MAPK4: variants seen among roughly 807,000 people sequenced by gnomAD.
The protein encoded by MAPK4 is mitogen-activated protein kinase 4.
MAPK4 carries 22 observed loss-of-function variants against 47.7 expected under a neutral mutation model. That is an observed-to-expected ratio of 0.46 (90% confidence interval 0.33 to 0.66). The LOEUF (loss-of-function observed/expected upper bound fraction) is 0.66, where lower values mean the gene tolerates loss of function less well. Ranked by LOEUF, MAPK4 falls within the 30% of genes least tolerant of loss-of-function variation. The pLI, the probability that MAPK4 is intolerant of heterozygous loss-of-function variation, is 0.02. For synonymous variants in MAPK4, 390 were observed against 365.7 expected (o/e 1.07, Z -0.76); for missense variants, 736 against 831.7 (o/e 0.88, Z 1.42).
intron 1 of MAPK4, among the ~76,000 whole-genome samples, chr18:50,658,802 C>T (rs868339763): frequency 6.6e-6 from 1 of 152,130 alleles, no homozygotes; most frequent in Non-Finnish European, 1.5e-5. Flanking sequence ...GGGATAGTGT[C>T]GCCTTGAGGG....
At chr18:50,634,588 C>G (rs2042865032) in intron 1 of MAPK4, among the ~76,000 whole-genome samples, 2 of 152,156 alleles carry the variant, frequency 1.3e-5, no homozygotes, top group African/African-American at 2.4e-5. Flanking sequence ...TGGGGATCAA[C>G]TGTCATCCAT....
Position 50,696,726 on chromosome 18 carries a change from C to T in MAPK4, c.547-18353C>T, listed in dbSNP as rs140817579. On this transcript the variant is annotated intron_variant, in intron 2 of 5. Transcript: ENST00000400384. ...TTTTTAACAGCGTAACTTGTTTACA[C>T]GGATTCTATGTGAGAACCTATTTAA... 6.7e-3 allele frequency among the ~76,000 whole-genome samples: 1,027 copies of T among 152,194 alleles called. 9 individuals carry two copies. The highest frequency in any genetic ancestry group is 0.023 in the African/African-American group (945 of 41,510).
intron 1 of MAPK4, among the ~76,000 whole-genome samples, chr18:50,634,875 G>A (rs922368345): frequency 6.6e-6 from 1 of 152,148 alleles, no homozygotes; most frequent in East Asian, 1.9e-4. Flanking sequence ...AGCCACACCA[G>A]GTCTTACACA....
At chr18:50,573,434 G>A (rs1343190238) in intron 1 of MAPK4, among the ~76,000 whole-genome samples, 1 of 152,180 alleles carries the variant, frequency 6.6e-6, no homozygotes, top group Admixed American at 6.5e-5. Context: ...AACAGTGGCG[G>A]CATTAGATTC....
rs534334871 is a variant in MAPK4 at position 50,695,143 on chromosome 18, C to T, written c.547-19936C>T. Among the ~76,000 whole-genome samples, 5 of 151,940 alleles carry T rather than the reference C, an allele frequency of 3.3e-5. No individual in the cohort carries two copies. In the East Asian group the frequency reaches 5.9e-4, roughly 18 times the overall value. ...GGCAGATCACTTGAGGTCAGGAGTT[C>T]GAGACCAGCCTGGCCAACGTGATGA... On this transcript the variant is annotated intron_variant, in intron 2 of 5. Transcript: ENST00000400384.
intron 5 of MAPK4, among the ~76,000 whole-genome samples, chr18:50,728,628 T>C (rs1221439735): frequency 6.6e-6 from 1 of 152,202 alleles, no homozygotes; most frequent in African/African-American, 2.4e-5. Flanking sequence ...TCTAATCTGA[T>C]CCAGGGTTGA....
At chr18:50,719,812 C>T (rs1303209003) in intron 3 of MAPK4, among the ~76,000 whole-genome samples, 1 of 152,218 alleles carries the variant, frequency 6.6e-6, no homozygotes, top group African/African-American at 2.4e-5. Flanking sequence ...TCTTCAGGCT[C>T]ACTGTCTGTG....
chr18:50,636,463 C>T (rs928308690), intron 1 of MAPK4, among the ~76,000 whole-genome samples: 2 of 152,192 alleles, frequency 1.3e-5, no homozygotes, highest in Non-Finnish European at 2.9e-5. Context: ...AGAATAGTTC[C>T]AAACCTCTTT....
intron 1 of MAPK4, among the ~76,000 whole-genome samples, chr18:50,597,622 G>T (rs2042494302): frequency 6.6e-6 from 1 of 152,192 alleles, no homozygotes; most frequent in South Asian, 2.1e-4. Context: ...TTGAGTTGCT[G>T]TAAGTGGGAC....
At chr18:50,586,138 A>G (rs2042385942) in intron 1 of MAPK4, among the ~76,000 whole-genome samples, 1 of 152,210 alleles carries the variant, frequency 6.6e-6, no homozygotes, top group Non-Finnish European at 1.5e-5. Flanking sequence ...AAGGAACTTG[A>G]ATTATTTACA....
Position 50,678,700 on chromosome 18 carries a change from C to T in MAPK4, c.546+14196C>T, listed in dbSNP as rs9947919. ...TGAACAGGCCTTGGTCCCACAGCTG[C>T]CCCCACACTCTTATTCTTGCTTTCT... On this transcript the variant is annotated intron_variant, in intron 2 of 5. Transcript: ENST00000400384. The surrounding 1 kb of genome is among the most constrained non-coding windows in gnomAD (Gnocchi z 4.2). Among the ~76,000 whole-genome samples the T allele has an allele frequency of 0.028, 4,272 of 152,254 alleles. 109 individuals are homozygous for T. Among genetic ancestry groups the T allele is most frequent in the African/African-American group, 0.063 (2,615 of 41,536 alleles).
intron 1 of MAPK4, among the ~76,000 whole-genome samples, chr18:50,614,120 C>G (rs1282774716): frequency 6.6e-6 from 1 of 152,022 alleles, no homozygotes; most frequent in East Asian, 1.9e-4. Context: ...TGCTAATGGA[C>G]AATGTTTGGA....
rs990855194 is a variant in MAPK4 at position 50,664,875 on chromosome 18, T to C, written c.546+371T>C. ...ACTTAGCCATCCCATGTCCTTCCTGTGTGCTCAGGACACACCCTGAGGCTT... is the reference window on the plus strand; with the variant it reads ...ACTTAGCCATCCCATGTCCTTCCTGCGTGCTCAGGACACACCCTGAGGCTT... On this transcript the variant is annotated intron_variant, in intron 2 of 5. Transcript: ENST00000400384. This position sits in a 1 kb window ranked among gnomAD's most constrained non-coding sequence, Gnocchi z 6.0. Among the ~76,000 whole-genome samples the C allele has an allele frequency of 1.1e-4, 16 of 152,316 alleles. No homozygotes were observed. The highest frequency in any genetic ancestry group is 2.9e-4 in the African/African-American group (12 of 41,566).
intron 1 of MAPK4, among the ~76,000 whole-genome samples, chr18:50,647,363 C>T (rs1328707626): frequency 3.9e-5 from 6 of 152,248 alleles, no homozygotes; most frequent in Middle Eastern, 3.4e-3. Flanking sequence ...AGTTGAGAAG[C>T]GAGCCTGAGG....
chr18:50,681,770 A>G (rs1286427192), intron 2 of MAPK4, among the ~76,000 whole-genome samples: 1 of 152,212 alleles, frequency 6.6e-6, no homozygotes, highest in Non-Finnish European at 1.5e-5. Flanking sequence ...TGCTGTATAT[A>G]TCGCTGTTAT....
At chr18:50,632,724 A>G (rs1025482643) in intron 1 of MAPK4, among the ~76,000 whole-genome samples, 2 of 150,932 alleles carry the variant, frequency 1.3e-5, no homozygotes, top group Non-Finnish European at 2.9e-5. Context: ...GGTTCAAGCA[A>G]TTCTCCTGCC....
Position 50,664,656 on chromosome 18 carries a change from G to A in MAPK4, c.546+152G>A. On this transcript the variant is annotated intron_variant, in intron 2 of 5. Coordinates refer to ENST00000400384, the MANE Select transcript of MAPK4 (RefSeq NM_002747.4). The surrounding 1 kb of genome is among the most constrained non-coding windows in gnomAD (Gnocchi z 6.0). ...AGGGTGCTAGGAAGATCACTAGCCTGAAAAGTTGTTGGAGGCGTGGAGGGA... is the reference window on the plus strand; with the variant it reads ...AGGGTGCTAGGAAGATCACTAGCCTAAAAAGTTGTTGGAGGCGTGGAGGGA... The A allele has an allele frequency of 2.3e-6, 2 of 872,796 alleles. No homozygotes were observed. The highest frequency in any genetic ancestry group is 3.4e-6 in the Non-Finnish European group (2 of 593,754). The allele number at this position is 872,796 out of a possible 1,614,324, so 54.1% of individuals were successfully genotyped here. A position where few individuals can be genotyped will look rare whatever the true frequency, so the allele number is the denominator to read the frequency against.
At chr18:50,728,276 G>A (rs756985021) in intron 5 of MAPK4, among the ~76,000 whole-genome samples, 3 of 152,260 alleles carry the variant, frequency 2.0e-5, no homozygotes, top group Non-Finnish European at 2.9e-5. Context: ...TGGCCTGCCT[G>A]TCTGCCCATC....
chr18:50,595,162 AACAT>A (rs750021504), intron 1 of MAPK4, among the ~76,000 whole-genome samples: 1 of 152,220 alleles, frequency 6.6e-6, no homozygotes, highest in Non-Finnish European at 1.5e-5. Context: ...TATAAGGTTA[AACAT>A]ACATACCCTA....
Sources: allele counts gnomAD v4.1 joint callset (sites outside exome capture counted in the v4.1 genomes callset), GRCh38; gene constraint gnomAD v4.1.1; non-coding constraint Gnocchi (gnomAD v3.1); transcripts MANE v1.5; gene names NCBI Gene and HGNC (gene_info 2026-07-23, HGNC 2026-07-21).